UBXN7: variants seen among roughly 807,000 people sequenced by gnomAD.
UBXN7 encodes UBX domain-containing protein 7.
UBXN7 carries 9 observed loss-of-function variants against 58.0 expected under a neutral mutation model. The ratio of observed to expected loss-of-function variants is 0.16; its 90% CI spans 0.09 to 0.27. The LOEUF is 0.27. Among genes scored for constraint, UBXN7 ranks in the 10% least tolerant of loss-of-function variants. The pLI is 1.00. For synonymous variants in UBXN7, 208 were observed against 205.0 expected, an observed-to-expected ratio of 1.01 and a Z score of -0.12; for missense variants, 328 against 599.6, an observed-to-expected ratio of 0.55 and a Z score of 4.73.
At chr3:196,387,005 G>A (rs188026468) in intron 5 of UBXN7, among the ~76,000 whole-genome samples, 68 of 152,092 alleles carry the variant, frequency 4.5e-4, no homozygotes, top group Admixed American at 2.6e-3. Context: ...TACTGGTACC[G>A]AAACAAATAT....
intron 1 of UBXN7, among the ~76,000 whole-genome samples, chr3:196,420,827 A>G (rs1021512903): frequency 1.3e-5 from 2 of 152,146 alleles, no homozygotes; most frequent in African/African-American, 4.8e-5. Flanking sequence ...TCTAATGCAC[A>G]TTGTCTACAC....
At chr3:196,387,842 G>A (rs1729457401) in intron 5 of UBXN7, among the ~76,000 whole-genome samples, 1 of 152,070 alleles carries the variant, frequency 6.6e-6, no homozygotes, top group African/African-American at 2.4e-5. Flanking sequence ...TACACTGTTG[G>A]TGGGAGTGTA....
rs1577422955 is a variant in UBXN7, at chr3:196,348,310, G to A, written c.*8375C>T. ...CCCAAAGACTTCTTCCCACCACTGA[G>A]AAGAGCTGCAGAAATCAACGGTATC... is the stretch of plus-strand genomic sequence containing the variant. On this transcript the variant is annotated 3_prime_UTR_variant, in exon 11 of 11. Transcript: ENST00000296328. 1 of 152,076 alleles carries A rather than the reference G, an allele frequency of 6.6e-6. No individual in the cohort carries two copies. Among genetic ancestry groups the A allele is most frequent in the Non-Finnish European group, 1.5e-5 (1 of 68,040 alleles). 9.4% of individuals were successfully genotyped at this position (152,076 alleles called of 1,614,324 possible).
Position 196,362,683 on chromosome 3 carries a change from C to T in UBXN7, c.839G>A (p.Ser280Asn). The T allele has an allele frequency of 6.2e-7, 1 of 1,602,556 alleles. No individual in the cohort carries two copies. Among genetic ancestry groups the T allele is most frequent in the Non-Finnish European group, 8.5e-7 (1 of 1,171,438 alleles). The change falls in exon 9 of 11, where the codon AGC becomes AAC. Residue 280 changes from serine (S) to asparagine (N), a missense_variant. Physicochemically the swap from Ser to Asn is conservative, Grantham distance 46. This residue lies in a region of UBXN7 where 126 missense variants were observed against 302.6 expected (regional missense o/e 0.42). Coordinates refer to ENST00000296328, the MANE Select transcript of UBXN7 (RefSeq NM_015562.2). ...GCTGTCTTCACTTGCATCTATAAGG[C>T]TCTCCTGTGAGATGGAGTCATAAAA... ...SPPKKCARSE[S>N]LIDASEDSQL... is the part of the protein sequence containing the mutation.
chr3:196,385,056 G>A (rs367999759), intron 5 of UBXN7, among the ~76,000 whole-genome samples: 8 of 152,290 alleles, frequency 5.3e-5, no homozygotes, highest in East Asian at 1.9e-4. Context: ...ATGCTGAGCC[G>A]AGGCTGGACT....
At chr3:196,358,115 C>G (rs954269051) in intron 10 of UBXN7, among the ~76,000 whole-genome samples, 1 of 152,092 alleles carries the variant, frequency 6.6e-6, no homozygotes, top group Non-Finnish European at 1.5e-5. Flanking sequence ...TGAAAATGCC[C>G]GCAGCGTCAC....
At chr3:196,381,234 G>A (rs748145660) in intron 5 of UBXN7, among the ~76,000 whole-genome samples, 2 of 152,186 alleles carry the variant, frequency 1.3e-5, no homozygotes, top group South Asian at 2.1e-4. Context: ...AGTAGGGGCC[G>A]ACAGACACCT....
chr3:196,403,191 T>C (rs182958744), intron 2 of UBXN7, among the ~76,000 whole-genome samples, 172 bp from the exon 3 acceptor site: 8 of 152,324 alleles, frequency 5.3e-5, no homozygotes, highest in Non-Finnish European at 1.2e-4. Flanking sequence ...AGTGTCTCAC[T>C]CTGTCGTCCA....
At chr3:196,377,554 CT>C (rs1430055666) in intron 5 of UBXN7, among the ~76,000 whole-genome samples, 2 of 152,244 alleles carry the variant, frequency 1.3e-5, no homozygotes, top group Non-Finnish European at 2.9e-5. Flanking sequence ...GACACATCTA[CT>C]TGCAAAGGAC....
chr3:196,374,220 A>G (rs948621801), intron 5 of UBXN7, among the ~76,000 whole-genome samples: 1 of 152,162 alleles, frequency 6.6e-6, no homozygotes, highest in Non-Finnish European at 1.5e-5. Context: ...CAAGAAAAAA[A>G]TGTACAAAAC....
At chr3:196,359,199 T>C (rs1049367883) in intron 10 of UBXN7, among the ~76,000 whole-genome samples, 2 of 152,168 alleles carry the variant, frequency 1.3e-5, no homozygotes, top group Admixed American at 6.6e-5. Flanking sequence ...ATTTTATCTA[T>C]TATAATGAAC....
rs549119057 is a variant in UBXN7, at chr3:196,419,466, T to C, written c.74-12073A>G. Among the ~76,000 whole-genome samples the C allele has an allele frequency of 2.6e-5, 4 of 152,160 alleles. No homozygotes were observed. The East Asian group carries it at 7.7e-4, about 29-fold the overall frequency. On this transcript the variant is annotated intron_variant, in intron 1 of 10. Coordinates refer to ENST00000296328, the MANE Select transcript of UBXN7 (RefSeq NM_015562.2). ...CTTGGTTAAGTCTGAACAAAGCCAG[T>C]GCTAGAAAGAAGCCCATGAAGCAAA...
At chr3:196,378,740 G>A in intron 5 of UBXN7, among the ~76,000 whole-genome samples, 1 of 152,192 alleles carries the variant, frequency 6.6e-6, no homozygotes, top group East Asian at 1.9e-4. Flanking sequence ...TCACCATGTT[G>A]GTTTTGGGGG....
rs114751249 is a variant in UBXN7 at position 196,405,285 on chromosome 3, C to T, written c.221+1961G>A. ...AGGAAATCGGGACCATCCTGGTCAA[C>T]GTGGTGCAACCCCATGTCTACTAAA... On this transcript the variant is annotated intron_variant, in intron 2 of 10. Coordinates refer to ENST00000296328, the MANE Select transcript of UBXN7 (RefSeq NM_015562.2). Among the ~76,000 whole-genome samples, 1,190 of 151,798 alleles carry T rather than the reference C, an allele frequency of 7.8e-3. 13 individuals are homozygous for T. Among genetic ancestry groups the T allele is most frequent in the African/African-American group, 0.027 (1,106 of 41,440 alleles).
chr3:196,403,111 G>A (rs531540753), intron 2 of UBXN7, 92 bp from the exon 3 acceptor site: 28 of 1,281,898 alleles, frequency 2.2e-5, no homozygotes, highest in South Asian at 5.6e-5. Context: ...TCAAATTAAC[G>A]TAGTGACTTT....
intron 5 of UBXN7, among the ~76,000 whole-genome samples, chr3:196,372,343 C>CTTTTTT (rs894793736): frequency 2.8e-5 from 3 of 107,518 alleles, no homozygotes; most frequent in African/African-American, 3.1e-5. Context: ...TTCTTTCTTT[C>CTTTTTT]TTTTTTTTTT....
intron 1 of UBXN7, among the ~76,000 whole-genome samples, chr3:196,426,398 A>AG (rs1250203807): frequency 4.0e-5 from 6 of 151,594 alleles, no homozygotes; most frequent in African/African-American, 1.5e-4. Context: ...AAAAAAAAAA[A>AG]AAAAGAAATT....
At chr3:196,375,401 A>C (rs192416574) in intron 5 of UBXN7, among the ~76,000 whole-genome samples, 30 of 152,258 alleles carry the variant, frequency 2.0e-4, no homozygotes, top group Non-Finnish European at 2.9e-4. Flanking sequence ...AGGATTGCTT[A>C]AGGCAAGGAG....
intron 10 of UBXN7, 28 bp from the exon 11 acceptor site, chr3:196,356,874 A>G (rs764108668): frequency 1.9e-6 from 3 of 1,590,610 alleles, no homozygotes; most frequent in Non-Finnish European, 2.6e-6. Context: ...AGACAAAGCC[A>G]TTAGACGGAA....
Sources: gnomAD v4.1 joint callset for allele counts (sites outside exome capture counted in the v4.1 genomes callset) on GRCh38, gnomAD v4.1.1 for gene constraint, gnomAD v4.1.1 regional missense constraint, MANE v1.5 for transcripts, NCBI Gene and HGNC (gene_info 2026-07-23, HGNC 2026-07-21) for gene names.